ROBO2: variants seen among roughly 807,000 people sequenced by gnomAD.
ROBO2 encodes the protein roundabout homolog 2.
ROBO2 carries 53 observed loss-of-function variants against 160.8 expected under a neutral mutation model. The ratio of observed to expected loss-of-function variants is 0.33; its 90% confidence interval spans 0.26 to 0.41. The LOEUF is 0.41. Among genes scored for constraint, ROBO2 ranks in the 10% least tolerant of loss-of-function variants. The probability of loss-of-function intolerance (pLI) is 1.00; values close to 1 mark genes in which losing one functional copy is unlikely to be tolerated. For synonymous variants in ROBO2, 664 were observed against 611.7 expected, an observed-to-expected ratio of 1.09 and a Z score of -1.26; for missense variants, 1,577 against 1,722.4, an observed-to-expected ratio of 0.92 and a Z score of 1.49.
chr3:76,228,309 G>T (rs1229002185), intron 2 of ROBO2, among the ~76,000 whole-genome samples: 2 of 152,080 alleles, frequency 1.3e-5, no homozygotes, highest in Non-Finnish European at 2.9e-5. Flanking sequence ...ACCAAGAATG[G>T]TTCTATAAAT....
chr3:77,063,404 G>A (rs1365648584), intron 1 of ROBO2, among the ~76,000 whole-genome samples: 1 of 152,192 alleles, frequency 6.6e-6, no homozygotes, highest in Non-Finnish European at 1.5e-5. Context: ...AGCAAAGTGT[G>A]TGAAAAGGGG....
intron 2 of ROBO2, among the ~76,000 whole-genome samples, chr3:76,065,457 A>G (rs1230055100): frequency 1.3e-5 from 2 of 152,144 alleles, no homozygotes; most frequent in East Asian, 3.9e-4. Context: ...CCAAATCGAT[A>G]CCAAAGATTG....
At chr3:77,176,900 G>C (rs960138143) in intron 2 of ROBO2, among the ~76,000 whole-genome samples, 1 of 151,790 alleles carries the variant, frequency 6.6e-6, no homozygotes, top group African/African-American at 2.4e-5. Flanking sequence ...ATATAAATTT[G>C]ATATGGTCTG....
chr3:77,123,108 A>G (rs1427506527), intron 2 of ROBO2, among the ~76,000 whole-genome samples: 1 of 152,210 alleles, frequency 6.6e-6, no homozygotes, highest in Non-Finnish European at 1.5e-5. Flanking sequence ...TATTAACTCT[A>G]TATGATTTAA....
intron 2 of ROBO2, among the ~76,000 whole-genome samples, chr3:77,471,985 C>T (rs2083399428): frequency 6.6e-6 from 1 of 152,170 alleles, no homozygotes; most frequent in Admixed American, 6.5e-5. Flanking sequence ...TTCTGGAGGA[C>T]AGCATCTTTA....
chr3:77,561,577 T>C lies in ROBO2; in HGVS notation c.1438-1074T>C, dbSNP rs566570305. ...ACTTTTTCTGAAAGTCCTTTGCCAC[T>C]CTTCTGAGAATAATAAAACCATTTT... On this transcript the variant is annotated intron_variant, in intron 9 of 25. Transcript: ENST00000461745. Among the ~76,000 whole-genome samples the C allele has an allele frequency of 5.5e-4, 83 of 152,286 alleles. 1 individual carries two copies. Among genetic ancestry groups the C allele is most frequent in the Non-Finnish European group, 6.6e-4 (45 of 68,030 alleles).
intron 2 of ROBO2, among the ~76,000 whole-genome samples, chr3:77,262,995 A>G (rs2058875861): frequency 1.3e-5 from 2 of 152,218 alleles, no homozygotes; most frequent in South Asian, 4.1e-4. Context: ...ATCTGAGAAC[A>G]CTGAGACACA....
intron 2 of ROBO2, among the ~76,000 whole-genome samples, chr3:76,883,483 C>A (rs761238286): frequency 6.6e-6 from 1 of 152,132 alleles, no homozygotes; most frequent in African/African-American, 2.4e-5. Context: ...TCTAATCTTT[C>A]TGAATAATGA....
chr3:76,193,187 C>T (rs1013951980), intron 2 of ROBO2, among the ~76,000 whole-genome samples: 3 of 152,072 alleles, frequency 2.0e-5, no homozygotes, highest in African/African-American at 7.2e-5. Context: ...TATCTTGTAG[C>T]TGTGTTTACT....
chr3:75,946,368 A>G (rs1420511105), intron 2 of ROBO2, among the ~76,000 whole-genome samples: 6 of 152,114 alleles, frequency 3.9e-5, no homozygotes, highest in Non-Finnish European at 7.4e-5. Context: ...AAAGCCTACC[A>G]GGCACTAGGG....
At chr3:76,450,848 T>A (rs1460997372) in intron 2 of ROBO2, among the ~76,000 whole-genome samples, 1 of 152,184 alleles carries the variant, frequency 6.6e-6, no homozygotes, top group Non-Finnish European at 1.5e-5. Context: ...ACCATGTGAA[T>A]GCATTTTTAT....
rs570121764 is a variant in ROBO2 at position 76,308,313 on chromosome 3, G to T, written c.109+370711G>T. ...AATCGCTTGACCCCAGGAAGCGGAG[G>T]TTGCAATAAGGCGAGATCGCACCAC... is the stretch of plus-strand genomic sequence containing the variant. On this transcript the variant is annotated intron_variant, in intron 2 of 26. Transcript: ENST00000487694. 3.6e-5 allele frequency among the ~76,000 whole-genome samples: 5 copies of T among 137,148 alleles called. No homozygotes were observed. In the South Asian group the frequency reaches 1.2e-3, roughly 32 times the overall value. The allele number at this position is 137,148 out of a possible 152,430, so 90.0% of individuals were successfully genotyped here.
At chr3:76,863,107 A>G (rs2070977636) in intron 2 of ROBO2, among the ~76,000 whole-genome samples, 1 of 152,152 alleles carries the variant, frequency 6.6e-6, no homozygotes. Flanking sequence ...GCCCTCTGCA[A>G]TACAAACTGA....
chr3:76,524,826 T>TAAAAAAAAAAAAAAA (rs58091252), intron 2 of ROBO2, among the ~76,000 whole-genome samples: 6 of 21,718 alleles, frequency 2.8e-4, no homozygotes, highest in Non-Finnish European at 4.6e-4. Context: ...CTCTTATTCC[T>TAAAAAAAAAAAAAAA]AAAAAAAAAA....
intron 2 of ROBO2, among the ~76,000 whole-genome samples, chr3:76,000,449 A>G (rs1302998878): frequency 1.3e-5 from 2 of 151,610 alleles, no homozygotes; most frequent in African/African-American, 4.9e-5. Context: ...CATCTAGCAA[A>G]CCGAATTAAA....
At chr3:77,577,455 A>G in intron 14 of ROBO2, 35 bp from the exon 16 acceptor site, 1 of 1,612,884 alleles carries the variant, frequency 6.2e-7, no homozygotes, top group East Asian at 2.2e-5. Flanking sequence ...ACCAAGGCTT[A>G]TAGTTTGCAT....
intron 2 of ROBO2, among the ~76,000 whole-genome samples, chr3:76,521,459 A>G (rs1352838289): frequency 6.6e-6 from 1 of 152,162 alleles, no homozygotes; most frequent in African/African-American, 2.4e-5. Context: ...AGAACAGCAG[A>G]GATGCGGGAG....
intron 2 of ROBO2, among the ~76,000 whole-genome samples, chr3:76,762,837 G>C (rs1009258588): frequency 6.6e-6 from 1 of 151,654 alleles, no homozygotes; most frequent in Non-Finnish European, 1.5e-5. Flanking sequence ...CTGGTTCCCA[G>C]GGTTACCTAT....
At chr3:76,706,913 T>C (rs532191621) in intron 2 of ROBO2, among the ~76,000 whole-genome samples, 1 of 152,002 alleles carries the variant, frequency 6.6e-6, no homozygotes, top group Non-Finnish European at 1.5e-5. Context: ...ATAAGTTAAT[T>C]ATTAGAGGTA....
Sources: allele counts gnomAD v4.1 joint callset (sites outside exome capture counted in the v4.1 genomes callset), GRCh38; gene constraint gnomAD v4.1.1; transcripts MANE v1.5; gene names NCBI Gene and HGNC (gene_info 2026-07-23, HGNC 2026-07-21).